The following INO80 variants were observed in gnomAD, a reference collection of about 807,000 sequenced individuals.
The protein encoded by INO80 is chromatin-remodeling ATPase INO80.
Under a neutral mutation model 203.4 loss-of-function variants are expected in INO80, and 20 were observed. The observed-to-expected ratio is 0.10, with a 90% CI of 0.07 to 0.14. The LOEUF (loss-of-function observed/expected upper bound fraction) is 0.14, where lower values mean the gene tolerates loss of function less well. Ranked by LOEUF, INO80 falls within the 10% of genes least tolerant of loss-of-function variation. The probability of loss-of-function intolerance (pLI) is 1.00; values close to 1 mark genes in which losing one functional copy is unlikely to be tolerated. For synonymous variants in INO80, 726 were observed against 685.2 expected (o/e 1.06, Z -0.93); for missense variants, 1,419 against 1,914.4 (o/e 0.74, Z 4.83).
rs945014341 is a variant in INO80 at position 40,979,879 on chromosome 15, G to A, written c.*344C>T. On this transcript the variant is annotated 3_prime_UTR_variant, in exon 36 of 36. Transcript: ENST00000648947. ...ACTTTGCAAGGGACGTGTCAGAGCC[G>A]AAGAGTGGAATCGGGATGGAAACAG... 1.3e-5 allele frequency: 4 copies of A among 314,200 alleles called. No homozygotes were observed. Among genetic ancestry groups the A allele is most frequent in the Admixed American group, 4.5e-5 (1 of 22,410 alleles). The allele number at this position is 314,200 out of a possible 1,614,324, so 19.5% of individuals were successfully genotyped here.
intron 19 of INO80, among the ~76,000 whole-genome samples, chr15:41,052,674 CA>C (rs60685375): frequency 2.9e-3 from 310 of 107,140 alleles, no homozygotes; most frequent in African/African-American, 7.8e-3. Flanking sequence ...CCTTGTCTTA[CA>C]AAAAAAAAAA....
chr15:41,055,506 G>C (rs2044966721), intron 17 of INO80, 142 bp from the exon 18 acceptor site: 3 of 401,800 alleles, frequency 7.5e-6, no homozygotes, highest in Admixed American at 4.3e-5. Context: ...GACAGAAAAT[G>C]AATGAATTCA....
intron 1 of INO80, among the ~76,000 whole-genome samples, chr15:41,114,360 G>A (rs956857293): frequency 3.3e-5 from 5 of 152,054 alleles, no homozygotes; most frequent in Non-Finnish European, 5.9e-5. Context: ...ATAGGAGGAG[G>A]AGCTTGGAAA....
In INO80 at chr15:41,116,029, CG is replaced by C; in HGVS notation, c.-101del. 2.5e-6 allele frequency: 1 copy of C among 392,294 alleles called. No homozygotes were observed. The allele number at this position is 392,294 out of a possible 1,614,324, so 24.3% of individuals were successfully genotyped here. Reference sequence around the variant, plus strand: ...CGGCGGAGGGGGGGCGGGGTGCGGGCGGGGTCCGGAGGGGGGGGTCGCCCCG... The same window carrying C: ...CGGCGGAGGGGGGGCGGGGTGCGGGCGGGTCCGGAGGGGGGGGTCGCCCCG... On this transcript the variant is annotated 5_prime_UTR_variant, in exon 1 of 36. It removes the in-frame stop codon of an upstream open reading frame in the 5' UTR. Coordinates refer to ENST00000648947, the MANE Select transcript of INO80 (RefSeq NM_017553.3).
chr15:41,007,160 C>T (rs1209229981), intron 27 of INO80, among the ~76,000 whole-genome samples: 1 of 147,428 alleles, frequency 6.8e-6, no homozygotes, highest in Non-Finnish European at 1.5e-5. Context: ...GCTTCCTGCA[C>T]AGGCACTCTT....
chr15:41,055,173 T>A, intron 18 of INO80, 74 bp downstream of exon 18: 1 of 759,920 alleles, frequency 1.3e-6, no homozygotes, highest in South Asian at 2.2e-5. Context: ...ATTATTCAAA[T>A]AAAAGAAAAT....
chr15:41,051,085 C>T (rs901712278), intron 19 of INO80, among the ~76,000 whole-genome samples: 1 of 138,670 alleles, frequency 7.2e-6, no homozygotes, highest in African/African-American at 2.8e-5. Context: ...GCCGAGATTG[C>T]ACCATTGCAC....
At chr15:41,099,879 A>G (rs1349658820) in intron 1 of INO80, among the ~76,000 whole-genome samples, 1 of 152,196 alleles carries the variant, frequency 6.6e-6, no homozygotes, top group Non-Finnish European at 1.5e-5. Flanking sequence ...AAAATACAAC[A>G]AAACTCCCTT....
intron 24 of INO80, among the ~76,000 whole-genome samples, chr15:41,035,695 A>G (rs879419362): frequency 6.0e-5 from 9 of 150,624 alleles, no homozygotes; most frequent in Admixed American, 2.0e-4. Flanking sequence ...GGTGGCGGGC[A>G]CCTGTAGGCC....
chr15:41,024,373 C>A (rs1596268361), intron 25 of INO80: 1 of 152,162 alleles, frequency 6.6e-6, no homozygotes, highest in East Asian at 1.9e-4. Flanking sequence ...CAGACAGCCT[C>A]CCCCTATTCT....
intron 4 of INO80, among the ~76,000 whole-genome samples, chr15:41,093,731 C>T (rs540158406): frequency 1.4e-4 from 22 of 151,958 alleles, no homozygotes; most frequent in African/African-American, 3.9e-4. Flanking sequence ...GCCTGTAGTC[C>T]TACTTCACAG....
chr15:41,096,109 G>A, intron 2 of INO80, 59 bp downstream of exon 2: 1 of 1,514,178 alleles, frequency 6.6e-7, no homozygotes, highest in Non-Finnish European at 8.9e-7. Flanking sequence ...TGTAAAATCT[G>A]TAAGGATGAT....
intron 1 of INO80, among the ~76,000 whole-genome samples, chr15:41,115,576 G>A (rs752621417): frequency 6.6e-5 from 10 of 152,182 alleles, no homozygotes; most frequent in Middle Eastern, 6.8e-3. Context: ...CAACCTTCAC[G>A]GGGTTCCCAC....
At chr15:41,103,720 T>C (rs750608632) in intron 1 of INO80, among the ~76,000 whole-genome samples, 1 of 152,136 alleles carries the variant, frequency 6.6e-6, no homozygotes, top group East Asian at 1.9e-4. Flanking sequence ...ATGCCATTAG[T>C]TCCTCAATAG....
At chr15:41,031,401 GA>G (rs1367843472) in intron 24 of INO80, among the ~76,000 whole-genome samples, 2 of 133,124 alleles carry the variant, frequency 1.5e-5, no homozygotes, top group African/African-American at 5.6e-5. Context: ...AAAGAAAGAA[GA>G]AAAGTGAAAG....
rs185423754 is a variant in INO80, at chr15:41,053,094, C to T, written c.2274+835G>A. ...ATCCAAATGCTATGTATGGACCTTGCTTGTATCCTTATTCTGACATTTTTT... is the reference window on the plus strand; with the variant it reads ...ATCCAAATGCTATGTATGGACCTTGTTTGTATCCTTATTCTGACATTTTTT... On this transcript the variant is annotated intron_variant, in intron 19 of 35. Transcript: ENST00000648947. Among the ~76,000 whole-genome samples the T allele has an allele frequency of 2.7e-3, 409 of 152,062 alleles. 3 individuals carry two copies. The highest frequency in any genetic ancestry group is 0.013 in the South Asian group (61 of 4,818).
At position 40,984,283 on chromosome 15, in the gene INO80, G is replaced by A. The variant is rs764918907; in HGVS notation, c.3991C>T (p.Pro1331Ser). The change falls in exon 33 of 36, where the codon CCC becomes TCC. Residue 1331 changes from proline (P) to serine (S), a missense_variant. Transcript: ENST00000648947. ...GAGAGGTTGGAGTTATCAGCCGAGG[G>A]AACAAATGGGATCACCAGGTTCACA... ...EGVNLVIPFV[P>S]SADNSNLSAD... 14 of 1,614,062 alleles carry A rather than the reference G, an allele frequency of 8.7e-6. No homozygotes were observed. In the South Asian group the frequency reaches 1.2e-4, roughly 14 times the overall value.
rs143042465 is a variant in INO80 at position 41,076,562 on chromosome 15, C to T, written c.1132-1997G>A. Among the ~76,000 whole-genome samples the T allele has an allele frequency of 3.2e-3, 471 of 148,630 alleles. 4 individuals carry two copies. The highest frequency in any genetic ancestry group is 0.011 in the African/African-American group (437 of 40,474). On this transcript the variant is annotated intron_variant, in intron 9 of 35. Transcript: ENST00000648947. ...TTTGAGACCAGACTGGGCAACATGG[C>T]AAAACCTTGTTTCTACAAAAAATAA...
chr15:41,091,006 C>T (rs1309413351), intron 5 of INO80, among the ~76,000 whole-genome samples: 2 of 150,210 alleles, frequency 1.3e-5, no homozygotes, highest in African/African-American at 2.5e-5. Context: ...CTCACTGCAA[C>T]CTCCACCTCC....
Sources: allele counts gnomAD v4.1 joint callset (sites outside exome capture counted in the v4.1 genomes callset), GRCh38; gene constraint gnomAD v4.1.1; transcripts MANE v1.5; gene names NCBI Gene and HGNC (gene_info 2026-07-23, HGNC 2026-07-21).